AFMID: variants seen among roughly 807,000 people sequenced by gnomAD.
AFMID encodes the protein arylformamidase, also known as kynurenine formamidase.
Under a neutral mutation model 47.5 loss-of-function variants are expected in AFMID, and 39 were observed. The ratio of observed to expected loss-of-function variants is 0.82; its 90% CI spans 0.64 to 1.07. The LOEUF (loss-of-function observed/expected upper bound fraction) is 1.07. Ranked by LOEUF, AFMID falls within the 50% of genes least tolerant of loss-of-function variation. The pLI, the probability that AFMID is intolerant of heterozygous loss-of-function variation, is 0.00. For synonymous variants in AFMID, 130 were observed against 153.2 expected, an observed-to-expected ratio of 0.85 and a Z score of 1.12; for missense variants, 375 against 387.5, an observed-to-expected ratio of 0.97 and a Z score of 0.27.
chr17:78,191,817 G>A (rs1401463926), intron 2 of AFMID, among the ~76,000 whole-genome samples: 1 of 151,870 alleles, frequency 6.6e-6, no homozygotes, highest in Non-Finnish European at 1.5e-5. Context: ...AGCTTCCTGA[G>A]TAGCTGGGAC....
chr17:78,200,970 A>G (rs937843074), intron 2 of AFMID, among the ~76,000 whole-genome samples: 8 of 151,948 alleles, frequency 5.3e-5, no homozygotes, highest in Non-Finnish European at 1.0e-4. Flanking sequence ...CTGACTGATC[A>G]TTCCCAGTGG....
intron 4 of AFMID, chr17:78,203,019 G>T: frequency 2.5e-6 from 1 of 395,258 alleles, no homozygotes. Flanking sequence ...ATTCACATGT[G>T]ATCCTGGTGT....
chr17:78,200,640 GC>G (rs1313693136), intron 2 of AFMID, among the ~76,000 whole-genome samples: 1 of 152,154 alleles, frequency 6.6e-6, no homozygotes, highest in Non-Finnish European at 1.5e-5. Context: ...GAGTGACGTA[GC>G]CCCAGGCCTT....
intron 1 of AFMID, among the ~76,000 whole-genome samples, chr17:78,189,979 G>C (rs1184725525): frequency 6.6e-6 from 1 of 151,128 alleles, no homozygotes; most frequent in East Asian, 2.0e-4. Context: ...TTACAGGCGC[G>C]CGTCACCATG....
In AFMID at chr17:78,207,080, C is replaced by A; in HGVS notation, c.*143C>A. 1 of 852,838 alleles carries A rather than the reference C, an allele frequency of 1.2e-6. No individual in the cohort carries two copies. Among genetic ancestry groups the A allele is most frequent in the Non-Finnish European group, 2.0e-6 (1 of 510,078 alleles). The allele number at this position is 852,838 out of a possible 1,614,324, so 52.8% of individuals were successfully genotyped here. A position where few individuals can be genotyped will look rare whatever the true frequency, so the allele number is the denominator to read the frequency against. ...TGTGTCTGTCTGCCCGGCAAGAGTC[C>A]ATTCTCACTGCTGGGACACTCATGA... On this transcript the variant is annotated 3_prime_UTR_variant, in exon 11 of 11. Transcript: ENST00000409257.
rs56016227 is a variant in AFMID at position 78,203,055 on chromosome 17, CTTTTTTTTTTTTTT to C, written c.308+316_308+329del. On this transcript the variant is annotated intron_variant, in intron 4 of 10. Transcript: ENST00000409257. The stretch of plus-strand genomic sequence containing the variant: ...TCCTGGGTCTCAAATCTTCCTCTCT[CTTTTTTTTTTTTTT>C]TTTTTTTTTTTGAGACAGAGTCTCA... 2.6e-4 allele frequency: 29 copies of C among 111,130 alleles called. No homozygotes were observed. The Admixed American group carries it at 3.1e-3, about 12-fold the overall frequency. The allele number at this position is 111,130 out of a possible 1,614,324, so 6.9% of individuals were successfully genotyped here.
rs2076360391 is a variant in AFMID, at chr17:78,205,649, C to T, written c.691C>T (p.Gln231Ter). Residue 231 changes from glutamine to a stop codon, truncating the protein, a stop_gained, in exon 9 of 11, where the codon CAG becomes TAG. Transcript: ENST00000409257. LOFTEE classifies it high-confidence loss of function. ...CCCCCAGCTGAAGGTGGCCCAGGCA[C>T]AGCCGGTGGACCCCACCTGCCGTGT... ...NSPQLKVAQAQPVDPTCRVLV... is the reference protein window; with the variant it reads ...NSPQLKVAQA 3 of 1,613,764 alleles carry T rather than the reference C, an allele frequency of 1.9e-6. No homozygotes were observed. The highest frequency in any genetic ancestry group is 2.5e-6 in the Non-Finnish European group (3 of 1,179,958).
intron 2 of AFMID, among the ~76,000 whole-genome samples, chr17:78,199,637 T>G (rs1057509000): frequency 6.6e-6 from 1 of 151,704 alleles, no homozygotes; most frequent in African/African-American, 2.4e-5. Context: ...CCTCCCAAAG[T>G]GCTGGGATTG....
intron 8 of AFMID, 34 bp from the exon 9 acceptor site, chr17:78,205,569 C>T (rs750991747): frequency 1.2e-6 from 2 of 1,613,996 alleles, no homozygotes; most frequent in Middle Eastern, 1.6e-4. Context: ...CCTGGCTCCT[C>T]TCTGTCCTGA....
chr17:78,196,539 C>G (rs1299643868), intron 2 of AFMID, among the ~76,000 whole-genome samples: 1 of 152,048 alleles, frequency 6.6e-6, no homozygotes, highest in South Asian at 2.1e-4. Context: ...ATGAGCCAGG[C>G]ATAGTGGCAC....
intron 2 of AFMID, among the ~76,000 whole-genome samples, chr17:78,197,728 A>G (rs1367824180): frequency 6.6e-6 from 1 of 152,004 alleles, no homozygotes; most frequent in Non-Finnish European, 1.5e-5. Context: ...GTCAAAGGGT[A>G]TCCAACCAGA....
Position 78,207,217 on chromosome 17 carries a change from A to G in AFMID, c.*280A>G, listed in dbSNP as rs796962656. 131 of 447,642 alleles carry G rather than the reference A, an allele frequency of 2.9e-4. No individual in the cohort carries two copies. The highest frequency in any genetic ancestry group is 2.5e-3 in the African/African-American group (117 of 47,438). 27.7% of individuals were successfully genotyped at this position (447,642 alleles called of 1,614,324 possible). The stretch of plus-strand genomic sequence containing the variant: ...GCTGCCTCTTAGACTCGTCTGGCCC[A>G]TCTACCTGCTGACAGAGCATGACAA... On this transcript the variant is annotated 3_prime_UTR_variant, in exon 11 of 11. Coordinates refer to ENST00000409257, the MANE Select transcript of AFMID (RefSeq NM_001010982.5).
intron 10 of AFMID, 77 bp from the exon 11 acceptor site, chr17:78,206,834 G>A: frequency 6.4e-7 from 1 of 1,551,334 alleles, no homozygotes; most frequent in Non-Finnish European, 8.9e-7. Context: ...ATCCAGCCCT[G>A]TCTCATTTCC....
At chr17:78,194,167 G>A (rs2145854090) in intron 2 of AFMID, among the ~76,000 whole-genome samples, 1 of 151,132 alleles carries the variant, frequency 6.6e-6, no homozygotes, top group African/African-American at 2.4e-5. Flanking sequence ...CTGGAGTGCA[G>A]TGGCGTGATT....
intron 2 of AFMID, among the ~76,000 whole-genome samples, chr17:78,200,344 A>G (rs1599005574): frequency 6.6e-6 from 1 of 152,080 alleles, no homozygotes; most frequent in Non-Finnish European, 1.5e-5. Flanking sequence ...TAGTAGAGAC[A>G]GGGTTTTACC....
intron 2 of AFMID, among the ~76,000 whole-genome samples, chr17:78,194,510 C>A (rs1435411617): frequency 6.6e-6 from 1 of 152,158 alleles, no homozygotes; most frequent in African/African-American, 2.4e-5. Flanking sequence ...GGGATGTTCG[C>A]TTTTAATGAG....
At chr17:78,197,249 G>C in intron 2 of AFMID, 1 of 1,538,000 alleles carries the variant, frequency 6.5e-7, no homozygotes, top group Non-Finnish European at 8.8e-7. Context: ...CAGGGTTGTT[G>C]GCAAACCCCC....
At chr17:78,194,779 C>T (rs2076066396) in intron 2 of AFMID, among the ~76,000 whole-genome samples, 1 of 152,166 alleles carries the variant, frequency 6.6e-6, no homozygotes, top group Non-Finnish European at 1.5e-5. Context: ...ACCGCAACCT[C>T]CGCCTCCCAG....
In AFMID at chr17:78,187,402, G is replaced by A. The variant is rs779878281; in HGVS notation, c.32G>A (p.Ser11Asn). Reference protein sequence around the residue: MMDVSGVGFPSKVPWKKMSAE... With the variant: MMDVSGVGFPNKVPWKKMSAE... ...GATGTGTCTGGTGTGGGTTTCCCAA[G>A]CAAGGTTCCTTGGAAGAAGATGTCT... The change falls in exon 1 of 11, where the codon AGC (serine) becomes AAC (asparagine). Residue 11 changes from serine to asparagine, a missense_variant. Coordinates refer to ENST00000409257, the MANE Select transcript of AFMID (RefSeq NM_001010982.5). 3.1e-6 allele frequency: 5 copies of A among 1,613,998 alleles called. No homozygotes were observed. Among genetic ancestry groups the A allele is most frequent in the Admixed American group, 1.7e-5 (1 of 60,024 alleles).
Sources: gnomAD v4.1 joint callset for allele counts (sites outside exome capture counted in the v4.1 genomes callset) on GRCh38, gnomAD v4.1.1 for gene constraint, MANE v1.5 for transcripts, NCBI Gene and HGNC (gene_info 2026-07-23, HGNC 2026-07-21) for gene names.